Variants in PDE11A observed in about 807,000 individuals in gnomAD.
PDE11A encodes the protein dual 3',5'-cyclic-AMP and -GMP phosphodiesterase 11A.
Under a neutral mutation model 100.5 loss-of-function variants are expected in PDE11A, and 100 were observed. The ratio of observed to expected loss-of-function variants is 1.00; its 90% CI spans 0.85 to 1.18. The LOEUF (loss-of-function observed/expected upper bound fraction) is 1.18. Among genes scored for constraint, PDE11A ranks in the 50% most tolerant of loss-of-function variants. The pLI is 0.00. For synonymous variants in PDE11A, 381 were observed against 420.8 expected (o/e 0.91, Z 1.16); for missense variants, 1,141 against 1,152.6 (o/e 0.99, Z 0.15).
chr2:178,020,414 C>T (rs576362546), intron 1 of PDE11A, among the ~76,000 whole-genome samples: 63 of 152,270 alleles, frequency 4.1e-4, no homozygotes, highest in African/African-American at 1.3e-3. Context: ...GATGCTTTAG[C>T]ATGACAAGGA....
At chr2:178,011,692 G>A (rs2105825529) in intron 2 of PDE11A, among the ~76,000 whole-genome samples, 1 of 152,312 alleles carries the variant, frequency 6.6e-6, no homozygotes, top group Admixed American at 6.5e-5. Context: ...GTCAGGAAAA[G>A]CTAATCAATC....
At chr2:177,979,611 C>CTTTTTT (rs57168619) in intron 2 of PDE11A, among the ~76,000 whole-genome samples, 4,652 of 106,558 alleles carry the variant, frequency 0.044, 834 homozygotes, top group African/African-American at 0.18. Context: ...CTCAGATGAT[C>CTTTTTT]TTTTTTTTTT....
chr2:177,862,180 A>C (rs182866481), intron 5 of PDE11A, among the ~76,000 whole-genome samples: 15 of 151,988 alleles, frequency 9.9e-5, no homozygotes, highest in African/African-American at 3.6e-4. Flanking sequence ...ACCTGTATAC[A>C]AAGTATACCA....
chr2:177,693,397 C>A (rs2081068966), intron 15 of PDE11A, among the ~76,000 whole-genome samples: 1 of 152,206 alleles, frequency 6.6e-6, no homozygotes, highest in South Asian at 2.1e-4. Context: ...TATGAGACTT[C>A]TCAGATGGTC....
intron 5 of PDE11A, among the ~76,000 whole-genome samples, chr2:177,864,453 G>A (rs1028023138): frequency 6.6e-6 from 1 of 152,090 alleles, no homozygotes; most frequent in Non-Finnish European, 1.5e-5. Flanking sequence ...TCCATAACAT[G>A]TTGTATACCT....
intron 9 of PDE11A, among the ~76,000 whole-genome samples, chr2:177,776,235 T>C (rs1459315405): frequency 1.3e-5 from 2 of 152,152 alleles, no homozygotes; most frequent in Non-Finnish European, 2.9e-5. Flanking sequence ...CAATAAATAT[T>C]TTCACTATTT....
chr2:178,088,378 A>C (rs2087384108), intron 2 of PDE11A, among the ~76,000 whole-genome samples: 1 of 152,224 alleles, frequency 6.6e-6, no homozygotes, highest in Admixed American at 6.5e-5. Flanking sequence ...TCAATTCAAA[A>C]AATTATTCTT....
intron 5 of PDE11A, among the ~76,000 whole-genome samples, chr2:177,865,838 G>C (rs1451800365): frequency 6.6e-6 from 1 of 152,142 alleles, no homozygotes; most frequent in Non-Finnish European, 1.5e-5. Context: ...GCAGTTGCTA[G>C]GGCCTTGGAG....
intron 9 of PDE11A, among the ~76,000 whole-genome samples, chr2:177,790,470 T>C (rs1023338046): frequency 6.6e-6 from 1 of 151,754 alleles, no homozygotes; most frequent in Non-Finnish European, 1.5e-5. Flanking sequence ...ATTCAGGACA[T>C]AGGCAAGGGC....
At chr2:177,950,122 A>G (rs2085489250) in intron 2 of PDE11A, among the ~76,000 whole-genome samples, 1 of 152,180 alleles carries the variant, frequency 6.6e-6, no homozygotes, top group African/African-American at 2.4e-5. Context: ...TTCTGACACT[A>G]TCTCCAAATT....
intron 10 of PDE11A, among the ~76,000 whole-genome samples, chr2:177,761,203 A>G (rs1191354768): frequency 6.6e-6 from 1 of 152,188 alleles, no homozygotes; most frequent in Non-Finnish European, 1.5e-5. Flanking sequence ...AGAGGATAGG[A>G]GTACCTATCC....
chr2:177,926,695 T>TA, intron 2 of PDE11A, among the ~76,000 whole-genome samples: 1 of 152,322 alleles, frequency 6.6e-6, no homozygotes, highest in East Asian at 1.9e-4. Flanking sequence ...TGATTTTGCT[T>TA]AAGTCCAAAA....
At chr2:178,081,253 T>C (rs2087281623) in intron 2 of PDE11A, among the ~76,000 whole-genome samples, 1 of 152,218 alleles carries the variant, frequency 6.6e-6, no homozygotes, top group Non-Finnish European at 1.5e-5. Flanking sequence ...GTTTCTCACT[T>C]GTGTATAAAT....
intron 5 of PDE11A, among the ~76,000 whole-genome samples, chr2:177,872,295 C>T (rs1488262262): frequency 6.6e-6 from 1 of 152,082 alleles, no homozygotes; most frequent in African/African-American, 2.4e-5. Context: ...TACTAGAATC[C>T]CTTATAAATG....
intron 1 of PDE11A, chr2:178,018,118 T>C (rs1298403594): frequency 4.1e-6 from 1 of 246,102 alleles, no homozygotes; most frequent in Non-Finnish European, 8.1e-6. Context: ...TACCCCAGGA[T>C]GGTGTGGAGC....
At chr2:177,793,191 T>A (rs752426991) in intron 9 of PDE11A, among the ~76,000 whole-genome samples, 1 of 151,934 alleles carries the variant, frequency 6.6e-6, no homozygotes, top group South Asian at 2.1e-4. Flanking sequence ...TTCATTAGAG[T>A]CCATGGGAAG....
At chr2:177,970,949 T>C (rs1378231761) in intron 2 of PDE11A, among the ~76,000 whole-genome samples, 2 of 152,172 alleles carry the variant, frequency 1.3e-5, no homozygotes, top group Non-Finnish European at 2.9e-5. Context: ...AGGATGACCA[T>C]GATTACTTGT....
intron 1 of PDE11A, among the ~76,000 whole-genome samples, chr2:178,070,193 A>T (rs2087107734): frequency 6.6e-6 from 1 of 152,216 alleles, no homozygotes; most frequent in Non-Finnish European, 1.5e-5. Context: ...TACACCTTTT[A>T]AAGTTTCCAA....
At chr2:177,734,319 C>T (rs1559165538) in intron 10 of PDE11A, among the ~76,000 whole-genome samples, 1 of 152,046 alleles carries the variant, frequency 6.6e-6, no homozygotes, top group Non-Finnish European at 1.5e-5. Flanking sequence ...AATAACTTGT[C>T]TTCTCGGGGA....
Sources: gnomAD v4.1 joint callset for allele counts (sites outside exome capture counted in the v4.1 genomes callset) on GRCh38, gnomAD v4.1.1 for gene constraint, MANE v1.5 for transcripts, NCBI Gene and HGNC (gene_info 2026-07-23, HGNC 2026-07-21) for gene names.